The following LRMDA variants were observed in gnomAD, a reference collection of about 807,000 sequenced individuals.
LRMDA encodes leucine rich melanocyte differentiation associated, also known as leucine-rich melanocyte differentiation-associated protein.
In LRMDA, 18 loss-of-function variants were observed where a neutral mutation model predicts 29.8. That is an observed-to-expected ratio of 0.60 (90% CI 0.42 to 0.90). The LOEUF is 0.90. Among genes scored for constraint, LRMDA ranks in the 40% least tolerant of loss-of-function variants. The pLI is 0.00. For missense variants in LRMDA, 273 were observed against 273.9 expected (o/e 1.00, Z 0.02); for synonymous variants, 125 against 109.4 (o/e 1.14, Z -0.89).
intron 5 of LRMDA, among the ~76,000 whole-genome samples, chr10:76,145,865 T>C (rs975733778): frequency 1.7e-4 from 25 of 151,426 alleles, no homozygotes; most frequent in Non-Finnish European, 3.1e-4. Flanking sequence ...GCTTTGAATG[T>C]GTCCCAGAGA....
intron 2 of LRMDA, among the ~76,000 whole-genome samples, chr10:75,701,444 A>G (rs1401970270): frequency 6.6e-6 from 1 of 152,178 alleles, no homozygotes; most frequent in Non-Finnish European, 1.5e-5. Flanking sequence ...CTCCTTTCTG[A>G]TCCAAGACAC....
At chr10:75,664,538 G>A (rs1052716992) in intron 2 of LRMDA, among the ~76,000 whole-genome samples, 7 of 152,166 alleles carry the variant, frequency 4.6e-5, no homozygotes, top group Non-Finnish European at 1.0e-4. Flanking sequence ...GAGGAGTCAG[G>A]AGGGAAGGGG....
chr10:76,480,747 T>C (rs1842725829), intron 6 of LRMDA, among the ~76,000 whole-genome samples: 1 of 152,112 alleles, frequency 6.6e-6, no homozygotes, highest in East Asian at 1.9e-4. Context: ...TCCTGTAATA[T>C]GGGAGTTGTA....
At chr10:75,514,746 A>G (rs1589165793) in intron 2 of LRMDA, among the ~76,000 whole-genome samples, 1 of 152,086 alleles carries the variant, frequency 6.6e-6, no homozygotes, top group Non-Finnish European at 1.5e-5. Context: ...GCAGCCCAAG[A>G]CCCTCACCAG....
rs531965495 is a variant in LRMDA at position 76,267,425 on chromosome 10, A to G, written c.517-56976A>G. 3.3e-5 allele frequency among the ~76,000 whole-genome samples: 5 copies of G among 152,262 alleles called. No individual in the cohort carries two copies. The East Asian group carries it at 9.6e-4, about 29-fold the overall frequency. ...GCGACCATCACAACTATTTATTTCC[A>G]AACCCTTTTTTATCACTCCAGTAGA... On this transcript the variant is annotated intron_variant, in intron 5 of 6. Coordinates refer to ENST00000611255, the MANE Select transcript of LRMDA (RefSeq NM_001305581.2).
At position 76,488,303 on chromosome 10, in the gene LRMDA, C is replaced by T. The variant is rs1047662482; in HGVS notation, c.602-68906C>T. The stretch of plus-strand genomic sequence containing the variant: ...TGAGAAATTATCATCCCTAAATTTC[C>T]CTAATGACCTTTGAAATTCCTTACT... On this transcript the variant is annotated intron_variant, in intron 6 of 6. Coordinates refer to ENST00000611255, the MANE Select transcript of LRMDA (RefSeq NM_001305581.2). 2.0e-5 allele frequency among the ~76,000 whole-genome samples: 3 copies of T among 151,668 alleles called. No homozygotes were observed. The South Asian group carries it at 6.2e-4, about 32-fold the overall frequency.
At chr10:76,450,057 C>T (rs956542300) in intron 6 of LRMDA, among the ~76,000 whole-genome samples, 1 of 152,020 alleles carries the variant, frequency 6.6e-6, no homozygotes. Flanking sequence ...ATTTCACAGT[C>T]TTGAGTTCTT....
At chr10:75,891,664 A>T (rs1564598597) in intron 2 of LRMDA, among the ~76,000 whole-genome samples, 1 of 152,168 alleles carries the variant, frequency 6.6e-6, no homozygotes, top group Non-Finnish European at 1.5e-5. Flanking sequence ...TTAGACTCCT[A>T]CTGATCACTC....
chr10:76,184,358 T>C (rs1385176872), intron 5 of LRMDA, among the ~76,000 whole-genome samples: 1 of 152,166 alleles, frequency 6.6e-6, no homozygotes, highest in Non-Finnish European at 1.5e-5. Flanking sequence ...TAATGTTATG[T>C]CTATTCTCCT....
intron 2 of LRMDA, among the ~76,000 whole-genome samples, chr10:75,981,707 C>T (rs892721497): frequency 1.3e-5 from 2 of 151,942 alleles, no homozygotes; most frequent in Admixed American, 6.6e-5. Flanking sequence ...CGAACATTAG[C>T]TGGGAATGGT....
intron 2 of LRMDA, among the ~76,000 whole-genome samples, chr10:75,971,611 A>G (rs969010196): frequency 6.6e-6 from 1 of 152,180 alleles, no homozygotes; most frequent in East Asian, 1.9e-4. Flanking sequence ...ACAAGCAAGG[A>G]TGGGGTTTCT....
intron 2 of LRMDA, among the ~76,000 whole-genome samples, chr10:75,862,178 TCACACACACA>T (rs3042514): frequency 4.7e-5 from 7 of 147,582 alleles, no homozygotes; most frequent in African/African-American, 1.7e-4. Context: ...AACCTTGGGT[TCACACACACA>T]CACACACACA....
chr10:75,509,441 T>C (rs1845203129), intron 2 of LRMDA, among the ~76,000 whole-genome samples: 1 of 152,234 alleles, frequency 6.6e-6, no homozygotes, highest in Non-Finnish European at 1.5e-5. Context: ...TTATTTAGTC[T>C]TCTACTTTTA....
At chr10:75,841,047 A>G (rs1844531832) in intron 2 of LRMDA, among the ~76,000 whole-genome samples, 1 of 152,212 alleles carries the variant, frequency 6.6e-6, no homozygotes, top group Non-Finnish European at 1.5e-5. Flanking sequence ...GTGCTCATAC[A>G]TGCTGTAGCT....
intron 5 of LRMDA, among the ~76,000 whole-genome samples, chr10:76,284,578 A>G (rs773040555): frequency 1.3e-5 from 2 of 152,166 alleles, no homozygotes; most frequent in Non-Finnish European, 2.9e-5. Context: ...TGTCTTGCAA[A>G]TTCCAACCAG....
chr10:76,331,130 G>A (rs1475796966), intron 6 of LRMDA, among the ~76,000 whole-genome samples: 1 of 152,192 alleles, frequency 6.6e-6, no homozygotes, highest in African/African-American at 2.4e-5. Context: ...AATTAGTTGG[G>A]TGCAGTGGCA....
chr10:76,096,547 G>C (rs1249026272), intron 5 of LRMDA, among the ~76,000 whole-genome samples: 1 of 151,994 alleles, frequency 6.6e-6, no homozygotes, highest in African/African-American at 2.4e-5. Flanking sequence ...AGTAGTAGAA[G>C]TCCTCTGATT....
chr10:76,117,719 T>C (rs1028192236), intron 5 of LRMDA, among the ~76,000 whole-genome samples: 3 of 152,312 alleles, frequency 2.0e-5, no homozygotes, highest in Non-Finnish European at 4.4e-5. Flanking sequence ...AGGACCAAAC[T>C]TTTCTGTGAG....
intron 4 of LRMDA, among the ~76,000 whole-genome samples, chr10:76,051,628 A>G (rs1404858293): frequency 1.3e-5 from 2 of 152,236 alleles, no homozygotes; most frequent in Non-Finnish European, 2.9e-5. Context: ...AAAGGACGAC[A>G]TGGACATTTT....
Sources: allele counts gnomAD v4.1 joint callset (sites outside exome capture counted in the v4.1 genomes callset), GRCh38; gene constraint gnomAD v4.1.1; transcripts MANE v1.5; gene names NCBI Gene and HGNC (gene_info 2026-07-23, HGNC 2026-07-21).